The following APLP2 variants were observed in gnomAD, a reference collection of about 807,000 sequenced individuals.
The protein encoded by APLP2 is amyloid beta precursor like protein 2.
A neutral mutation model predicts 89.9 loss-of-function variants in APLP2; 53 were observed. The ratio of observed to expected loss-of-function variants is 0.59; its 90% CI spans 0.47 to 0.74. APLP2 has a LOEUF of 0.74. APLP2 is among the 30% of genes least tolerant of loss of function. The pLI, the probability that APLP2 is intolerant of heterozygous loss-of-function variation, is 0.00. For missense variants in APLP2, 973 were observed against 975.9 expected, an observed-to-expected ratio of 1.00 and a Z score of 0.04; for synonymous variants, 372 against 348.6, an observed-to-expected ratio of 1.07 and a Z score of -0.75.
intron 1 of APLP2, among the ~76,000 whole-genome samples, chr11:130,094,333 G>C (rs1406548463): frequency 6.6e-6 from 1 of 152,164 alleles, no homozygotes; most frequent in Non-Finnish European, 1.5e-5. Flanking sequence ...GATTACAGGT[G>C]TGAGCCACAG....
At chr11:130,114,882 G>T (rs906680045) in intron 3 of APLP2, among the ~76,000 whole-genome samples, 2 of 152,188 alleles carry the variant, frequency 1.3e-5, no homozygotes, top group Admixed American at 1.3e-4. Context: ...TTCTGCATTT[G>T]TACCTTGGTC....
At chr11:130,127,683 G>T in intron 8 of APLP2, 83 bp from the exon 9 acceptor site, 1 of 1,116,674 alleles carries the variant, frequency 9.0e-7, no homozygotes, top group Non-Finnish European at 1.4e-6. Flanking sequence ...GTGAGATTTA[G>T]CATCTGACAG....
intron 1 of APLP2, among the ~76,000 whole-genome samples, chr11:130,076,613 C>T (rs983644017): frequency 2.6e-5 from 4 of 152,190 alleles, no homozygotes; most frequent in African/African-American, 4.8e-5. Context: ...AAAACTACTT[C>T]GTGTGTGGAG....
chr11:130,119,886 G>C (rs2135928815), intron 3 of APLP2, among the ~76,000 whole-genome samples: 1 of 152,294 alleles, frequency 6.6e-6, no homozygotes, highest in African/African-American at 2.4e-5. Context: ...TGTCCAACTA[G>C]TGTTTTTTAT....
intron 1 of APLP2, among the ~76,000 whole-genome samples, chr11:130,100,642 C>G (rs993825142): frequency 2.0e-5 from 3 of 152,270 alleles, no homozygotes; most frequent in Admixed American, 2.0e-4. Context: ...AAACCATTTT[C>G]AATCTTGGAA....
intron 1 of APLP2, among the ~76,000 whole-genome samples, chr11:130,085,121 C>G (rs761237480): frequency 7.2e-5 from 11 of 152,092 alleles, no homozygotes; most frequent in Admixed American, 3.3e-4. Context: ...TTGAGCAGAT[C>G]AGTAACAAAT....
intron 1 of APLP2, chr11:130,102,097 A>AT: frequency 2.8e-6 from 1 of 357,356 alleles, no homozygotes; most frequent in Non-Finnish European, 5.5e-6. Context: ...CTGAGAACAG[A>AT]ATTTTTTTTT....
chr11:130,098,364 C>T (rs533491633), intron 1 of APLP2, among the ~76,000 whole-genome samples: 19 of 151,142 alleles, frequency 1.3e-4, no homozygotes, highest in Non-Finnish European at 1.9e-4. Flanking sequence ...GAGATCACAC[C>T]GCTGCATTCC....
chr11:130,120,627 T>C (rs1949707104), intron 3 of APLP2, 79 bp from the exon 4 acceptor site: 2 of 998,282 alleles, frequency 2.0e-6, no homozygotes, highest in Non-Finnish European at 3.2e-6. Flanking sequence ...GTGTAGACTA[T>C]CATCATAAAC....
chr11:130,094,168 C>G (rs1410792482), intron 1 of APLP2, among the ~76,000 whole-genome samples: 1 of 151,690 alleles, frequency 6.6e-6, no homozygotes. Context: ...ATTCTCCTTC[C>G]TCAGCCTCCC....
At chr11:130,091,807 C>T (rs1190018948) in intron 1 of APLP2, among the ~76,000 whole-genome samples, 10 of 148,794 alleles carry the variant, frequency 6.7e-5, no homozygotes, top group African/African-American at 1.3e-4. Flanking sequence ...GGCGGCTGGT[C>T]GGGCGGGGGG....
chr11:130,124,173 G>C (rs1950138001), intron 7 of APLP2, among the ~76,000 whole-genome samples: 1 of 152,178 alleles, frequency 6.6e-6, no homozygotes, highest in Non-Finnish European at 1.5e-5. Flanking sequence ...GAACATTCCT[G>C]TCTTTGAACT....
At chr11:130,089,149 T>C (rs137963148) in intron 1 of APLP2, among the ~76,000 whole-genome samples, 1 of 152,312 alleles carries the variant, frequency 6.6e-6, no homozygotes, top group East Asian at 1.9e-4. Context: ...CAATCCTTCC[T>C]TCATGTCCCC....
intron 8 of APLP2, among the ~76,000 whole-genome samples, chr11:130,127,488 C>T (rs1054215341): frequency 5.3e-5 from 8 of 152,064 alleles, no homozygotes; most frequent in African/African-American, 1.9e-4. Flanking sequence ...AGGTATTAAC[C>T]TCAATTTTTT....
chr11:130,094,917 C>T (rs1259106333), intron 1 of APLP2, among the ~76,000 whole-genome samples: 1 of 152,178 alleles, frequency 6.6e-6, no homozygotes, highest in African/African-American at 2.4e-5. Context: ...GGACTGAAAC[C>T]AGTGGGTCAG....
chr11:130,138,373 C>A (rs925787642), intron 13 of APLP2, among the ~76,000 whole-genome samples: 1 of 152,008 alleles, frequency 6.6e-6, no homozygotes, highest in Admixed American at 6.6e-5. Flanking sequence ...ATGACTGTGC[C>A]GACATTCCTT....
chr11:130,121,922 G>C (rs1949871290), intron 5 of APLP2, 112 bp downstream of exon 5: 2 of 1,473,300 alleles, frequency 1.4e-6, no homozygotes, highest in Non-Finnish European at 1.8e-6. Flanking sequence ...GCATTCCTTT[G>C]TTCTGCTAGA....
chr11:130,120,933 T>C (rs1949739134), intron 4 of APLP2, 115 bp downstream of exon 4: 6 of 743,050 alleles, frequency 8.1e-6, no homozygotes, highest in Non-Finnish European at 1.4e-5. Context: ...CATTATCTCC[T>C]TAAGGTTTAC....
At chr11:130,116,634 C>T (rs1368309860) in intron 3 of APLP2, among the ~76,000 whole-genome samples, 1 of 151,980 alleles carries the variant, frequency 6.6e-6, no homozygotes, top group Non-Finnish European at 1.5e-5. Flanking sequence ...CCACGCCTGG[C>T]TCATTTTTAC....
Sources: gnomAD v4.1 joint callset for allele counts (sites outside exome capture counted in the v4.1 genomes callset) on GRCh38, gnomAD v4.1.1 for gene constraint, MANE v1.5 for transcripts, NCBI Gene and HGNC (gene_info 2026-07-23, HGNC 2026-07-21) for gene names.